Variants in TNNI3K observed in about 807,000 individuals in gnomAD.
TNNI3K encodes serine/threonine-protein kinase TNNI3K.
In TNNI3K, 140 loss-of-function variants were observed where a neutral mutation model predicts 114.5. The ratio of observed to expected loss-of-function variants is 1.22; its 90% CI spans 1.07 to 1.41. TNNI3K has a LOEUF of 1.41. TNNI3K is among the 40% of genes most tolerant of loss of function. The pLI is 0.00. For missense variants in TNNI3K, 1,125 were observed against 1,007.6 expected (o/e 1.12, Z -1.58); for synonymous variants, 347 against 347.5 (o/e 1.00, Z 0.02).
chr1:74,481,761 A>G (rs916544583), intron 21 of TNNI3K, among the ~76,000 whole-genome samples: 1 of 152,212 alleles, frequency 6.6e-6, no homozygotes. Context: ...AAGAAGTATT[A>G]TAATCAGGAG....
rs976937957 is a variant in TNNI3K at position 74,519,525 on chromosome 1, C to T, written c.2352-20709C>T. 8.0e-5 allele frequency among the ~76,000 whole-genome samples: 10 copies of T among 125,782 alleles called. 1 individual carries two copies. Among genetic ancestry groups the T allele is most frequent in the South Asian group, 2.4e-4 (1 of 4,110 alleles). The allele number at this position is 125,782 out of a possible 152,430, so 82.5% of individuals were successfully genotyped here. ...CAGTGTAAAAGTGTTCCTATTTCTC[C>T]GCATCCTCTCCAGCACCTGTTGTTT... On this transcript the variant is annotated intron_variant, in intron 23 of 24. Coordinates refer to ENST00000326637, the MANE Select transcript of TNNI3K (RefSeq NM_015978.3).
chr1:74,252,287 A>T (rs1336673882), intron 4 of TNNI3K, among the ~76,000 whole-genome samples: 1 of 152,162 alleles, frequency 6.6e-6, no homozygotes, highest in Admixed American at 6.5e-5. Context: ...GTTTTTTTCT[A>T]TTTTAGAGAA....
At chr1:74,322,752 C>T (rs561965444) in intron 5 of TNNI3K, among the ~76,000 whole-genome samples, 3 of 152,152 alleles carry the variant, frequency 2.0e-5, no homozygotes, top group Admixed American at 6.5e-5. Context: ...CTTTGCTGGG[C>T]GATTCTACCA....
rs547745771 is a variant in TNNI3K, at chr1:74,537,958, T to C, written c.2352-2276T>C. Among the ~76,000 whole-genome samples the C allele has an allele frequency of 2.0e-5, 3 of 152,322 alleles. No homozygotes were observed. The South Asian group carries it at 6.2e-4, about 32-fold the overall frequency. Reference sequence around the variant, plus strand: ...AAGCTAAGTCTTGTTATAATTCCCATTTTATAGTTGTATCACTGAGGTATG... The same window carrying C: ...AAGCTAAGTCTTGTTATAATTCCCACTTTATAGTTGTATCACTGAGGTATG... On this transcript the variant is annotated intron_variant, in intron 23 of 24. Coordinates refer to ENST00000326637, the MANE Select transcript of TNNI3K (RefSeq NM_015978.3).
chr1:74,291,140 T>C (rs185964872), intron 5 of TNNI3K, among the ~76,000 whole-genome samples: 12 of 151,790 alleles, frequency 7.9e-5, no homozygotes, highest in Admixed American at 3.3e-4. Context: ...TCTGTCTCCT[T>C]CTTCTAGAGT....
intron 23 of TNNI3K, among the ~76,000 whole-genome samples, chr1:74,527,759 C>G (rs1217350443): frequency 6.6e-6 from 1 of 152,208 alleles, no homozygotes; most frequent in Non-Finnish European, 1.5e-5. Context: ...ACTGTTTTAT[C>G]TCTTCCCTTC....
chr1:74,331,214 C>T (rs1463540829), intron 5 of TNNI3K, among the ~76,000 whole-genome samples: 1 of 152,146 alleles, frequency 6.6e-6, no homozygotes, highest in African/African-American at 2.4e-5. Flanking sequence ...ATGAGAAATA[C>T]ATTTAAAACA....
chr1:74,540,820 A>C (rs1357007610), intron 24 of TNNI3K, among the ~76,000 whole-genome samples: 1 of 152,158 alleles, frequency 6.6e-6, no homozygotes, highest in Non-Finnish European at 1.5e-5. Context: ...CATTCCTTCA[A>C]ACAGCTGGAG....
At chr1:74,243,383 G>A (rs1309125803) in intron 2 of TNNI3K, among the ~76,000 whole-genome samples, 1 of 152,132 alleles carries the variant, frequency 6.6e-6, no homozygotes, top group Non-Finnish European at 1.5e-5. Context: ...GCAAGAAGTT[G>A]CAACTAGCCA....
chr1:74,390,789 A>G (rs1439558109), intron 17 of TNNI3K, among the ~76,000 whole-genome samples: 1 of 152,130 alleles, frequency 6.6e-6, no homozygotes, highest in Non-Finnish European at 1.5e-5. Context: ...AGAGAGACTA[A>G]TTTTGATTGT....
Position 74,332,525 on chromosome 1 carries a change from C to A in TNNI3K, c.543+977C>A, listed in dbSNP as rs1322862795. ...CCATGTTAGCCAGGATGGTCTCGAT[C>A]TCCTGACCTCGTGATCCTCCTGCCT... On this transcript the variant is annotated intron_variant, in intron 6 of 24. Coordinates refer to ENST00000326637, the MANE Select transcript of TNNI3K (RefSeq NM_015978.3). Among the ~76,000 whole-genome samples the A allele has an allele frequency of 4.6e-5, 7 of 152,184 alleles. No individual in the cohort carries two copies. The South Asian group carries it at 1.2e-3, about 27-fold the overall frequency.
intron 2 of TNNI3K, among the ~76,000 whole-genome samples, chr1:74,242,727 C>T (rs1282197249): frequency 6.6e-6 from 1 of 152,104 alleles, no homozygotes; most frequent in Non-Finnish European, 1.5e-5. Context: ...ATTCATAATG[C>T]CCTAAGTCAG....
chr1:74,240,705 G>T (rs532595557), intron 2 of TNNI3K: 2 of 151,662 alleles, frequency 1.3e-5, no homozygotes, highest in Non-Finnish European at 2.9e-5. Context: ...AGCCAAATTT[G>T]TATCTGCTTA....
chr1:74,374,380 A>T (rs1662777244), intron 17 of TNNI3K: 1 of 151,978 alleles, frequency 6.6e-6, no homozygotes, highest in Admixed American at 6.6e-5. Flanking sequence ...TCTATGGGAT[A>T]GTTGTTATTA....
At chr1:74,372,335 T>C (rs1426979754) in intron 17 of TNNI3K, 1 of 151,776 alleles carries the variant, frequency 6.6e-6, no homozygotes, top group African/African-American at 2.4e-5. Flanking sequence ...AATTTTGTGT[T>C]GCTCATACAG....
intron 23 of TNNI3K, among the ~76,000 whole-genome samples, chr1:74,497,709 T>C (rs1040000476): frequency 2.0e-5 from 3 of 152,188 alleles, no homozygotes; most frequent in African/African-American, 7.2e-5. Context: ...ACTTCTCTCC[T>C]GTTCCAGCTT....
intron 2 of TNNI3K, among the ~76,000 whole-genome samples, chr1:74,240,993 A>G (rs1279234445): frequency 2.6e-5 from 4 of 151,812 alleles, no homozygotes; most frequent in African/African-American, 7.3e-5. Flanking sequence ...CATGTACTCA[A>G]TTCCCACCTG....
Position 74,283,428 on chromosome 1 carries a change from G to T in TNNI3K, c.444+11720G>T, listed in dbSNP as rs538517709. On this transcript the variant is annotated intron_variant, in intron 5 of 24. Transcript: ENST00000326637. The stretch of plus-strand genomic sequence containing the variant: ...TCAATTGTAAGGAGTAATATAAAAG[G>T]ACGCTAGCTTGTCAATTTCTTTTTG... Among the ~76,000 whole-genome samples the T allele has an allele frequency of 7.2e-5, 11 of 152,276 alleles. No homozygotes were observed. The South Asian group carries it at 2.3e-3, about 32-fold the overall frequency.
chr1:74,250,533 A>G, intron 3 of TNNI3K, 139 bp from the exon 4 acceptor site: 1 of 641,424 alleles, frequency 1.6e-6, no homozygotes, highest in Non-Finnish European at 2.5e-6. Flanking sequence ...GTCAATTAAT[A>G]GAAAACTTTA....
Sources: allele counts gnomAD v4.1 joint callset (sites outside exome capture counted in the v4.1 genomes callset), GRCh38; gene constraint gnomAD v4.1.1; transcripts MANE v1.5; gene names NCBI Gene and HGNC (gene_info 2026-07-23, HGNC 2026-07-21).